Variants in ATP10D observed in about 807,000 individuals in gnomAD.
ATP10D encodes ATPase phospholipid transporting 10D (putative), also known as phospholipid-transporting ATPase VD.
ATP10D carries 89 observed loss-of-function variants against 144.8 expected under a neutral mutation model. The observed-to-expected ratio is 0.61, with a 90% CI of 0.52 to 0.73. The LOEUF is 0.73. ATP10D is among the 30% of genes least tolerant of loss of function. The pLI, the probability that ATP10D is intolerant of heterozygous loss-of-function variation, is 0.00. For synonymous variants in ATP10D, 571 were observed against 615.1 expected, an observed-to-expected ratio of 0.93 and a Z score of 1.06; for missense variants, 1,603 against 1,714.8, an observed-to-expected ratio of 0.93 and a Z score of 1.15.
In ATP10D at chr4:47,495,768, G is replaced by A. The variant is rs377270381; in HGVS notation, c.-38+10249G>A. On this transcript the variant is annotated intron_variant, in intron 1 of 22. Transcript: ENST00000273859. Reference sequence around the variant, plus strand: ...TTTTTTTTTTTTGAAATGCAGTTTCGCTCTTGTTGCTCAGGCTGGAGTGCA... The same window carrying A: ...TTTTTTTTTTTTGAAATGCAGTTTCACTCTTGTTGCTCAGGCTGGAGTGCA... Among the ~76,000 whole-genome samples the A allele has an allele frequency of 8.8e-4, 126 of 142,886 alleles. 1 individual carries two copies. Among genetic ancestry groups the A allele is most frequent in the African/African-American group, 3.0e-3 (116 of 38,388 alleles). 93.7% of individuals were successfully genotyped at this position (142,886 alleles called of 152,430 possible). A position where few individuals can be genotyped will look rare whatever the true frequency, so the allele number is the denominator to read the frequency against.
chr4:47,587,879 A>G (rs10021442), intron 22 of ATP10D, among the ~76,000 whole-genome samples: 23,966 of 152,176 alleles, frequency 0.16, 3,291 homozygotes, highest in African/African-American at 0.37. Context: ...ATCTCATGAC[A>G]GAAGGTGACT....
At chr4:47,576,998 G>A (rs374979093) in intron 19 of ATP10D, 25 bp downstream of exon 19, 20 of 1,601,952 alleles carry the variant, frequency 1.2e-5, no homozygotes, top group South Asian at 8.8e-5. Context: ...AAGAGTGCTT[G>A]GATGGATGCA....
In ATP10D at chr4:47,574,462, CT is replaced by C. The variant is rs1186001614; in HGVS notation, c.3366+1467del. On this transcript the variant is annotated intron_variant, in intron 18 of 22. Transcript: ENST00000273859. ...AGCTTATCTTTCTGAGACCATGGTT[CT>C]TGGATGTTGGACAACCTTTGAGGTG... Among the ~76,000 whole-genome samples the C allele has an allele frequency of 7.9e-5, 12 of 152,296 alleles. No individual in the cohort carries two copies. The East Asian group carries it at 2.3e-3, about 29-fold the overall frequency.
intron 14 of ATP10D, 96 bp downstream of exon 14, chr4:47,561,171 A>G (rs181494747): frequency 3.6e-4 from 531 of 1,478,114 alleles, no homozygotes; most frequent in Middle Eastern, 2.9e-3. Flanking sequence ...TTATCTAATA[A>G]ACATATATGG....
At chr4:47,496,996 C>T (rs1715418394) in intron 1 of ATP10D, among the ~76,000 whole-genome samples, 1 of 152,086 alleles carries the variant, frequency 6.6e-6, no homozygotes, top group African/African-American at 2.4e-5. Flanking sequence ...TGCCCGCTAC[C>T]ACAACTGGCT....
chr4:47,491,179 A>G (rs1715057460), intron 1 of ATP10D: 1 of 746,594 alleles, frequency 1.3e-6, no homozygotes, highest in African/African-American at 1.7e-5. Context: ...AGAGTGCTTA[A>G]TGTGCTCAAT....
In ATP10D at chr4:47,523,163, G is replaced by A. The variant is rs753112385; in HGVS notation, c.637G>A (p.Asp213Asn). The part of the protein sequence containing the change: ...GICHIETSGL[D>N]GESNLKQRQV... ...CTGTCACATTGAGACTTCTGGTCTT[G>A]ATGGAGAGAGCAATTTAAAACAGAG... Residue 213 changes from aspartate (D) to asparagine (N), a missense_variant, in exon 4 of 23, where the codon GAT (aspartate) becomes AAT (asparagine). Coordinates refer to ENST00000273859, the MANE Select transcript of ATP10D (RefSeq NM_020453.4). 2 of 1,614,088 alleles carry A rather than the reference G, an allele frequency of 1.2e-6. No homozygotes were observed. The highest frequency in any genetic ancestry group is 2.2e-5 in the East Asian group (1 of 44,864).
chr4:47,511,479 G>T (rs1716324291), intron 1 of ATP10D, among the ~76,000 whole-genome samples: 1 of 152,140 alleles, frequency 6.6e-6, no homozygotes, highest in South Asian at 2.1e-4. Flanking sequence ...TGAGGCATGA[G>T]AATTGCTTGA....
At chr4:47,524,828 C>T (rs1411343326) in intron 4 of ATP10D, among the ~76,000 whole-genome samples, 1 of 144,444 alleles carries the variant, frequency 6.9e-6, no homozygotes, top group Non-Finnish European at 1.6e-5. Flanking sequence ...ATGGATATTG[C>T]TCATTAGAAA....
In ATP10D at chr4:47,560,998, C is replaced by T; in HGVS notation, c.2591C>T (p.Ala864Val). Residue 864 changes from alanine to valine, a missense_variant, in exon 14 of 23, where the codon GCT becomes GTT. Coordinates refer to ENST00000273859, the MANE Select transcript of ATP10D (RefSeq NM_020453.4). Reference sequence around the variant, plus strand: ...GAGTGGCTGAGGAATCATTTTTTAGCTGAAACCAGCATTGACAACAGGGAA... The same window carrying T: ...GAGTGGCTGAGGAATCATTTTTTAGTTGAAACCAGCATTGACAACAGGGAA... ...YAEWLRNHFL[A>V]ETSIDNREEL... 6.2e-7 allele frequency: 1 copy of T among 1,614,016 alleles called. No homozygotes were observed. The highest frequency in any genetic ancestry group is 8.5e-7 in the Non-Finnish European group (1 of 1,179,886).
intron 9 of ATP10D, among the ~76,000 whole-genome samples, chr4:47,543,040 C>A (rs994798850): frequency 1.3e-5 from 2 of 152,074 alleles, no homozygotes; most frequent in Admixed American, 6.6e-5. Context: ...GTTTTACTTT[C>A]CACAGTTTCA....
At position 47,563,609 on chromosome 4, in the gene ATP10D, G is replaced by A. The variant is rs1423478413; in HGVS notation, c.2697G>A (p.Gln899=). The change falls in exon 15 of 23, where the codon CAG becomes CAA. Residue 899 remains glutamine (Q), a synonymous_variant. Coordinates refer to ENST00000273859, the MANE Select transcript of ATP10D (RefSeq NM_020453.4). ...CTACTGGCATTGAAGACCGTCTGCA[G>A]GAGGGAGTCCCTGAATCTATAGAAG... The part of the protein sequence containing the change: ...LGATGIEDRL[Q]EGVPESIEAL... The A allele has an allele frequency of 1.2e-6, 2 of 1,612,224 alleles. No individual in the cohort carries two copies. The highest frequency in any genetic ancestry group is 2.7e-5 in the African/African-American group (2 of 74,746).
In ATP10D at chr4:47,515,889, G is replaced by A. The variant is rs569160959; in HGVS notation, c.485+219G>A. On this transcript the variant is annotated intron_variant, in intron 3 of 22. Coordinates refer to ENST00000273859, the MANE Select transcript of ATP10D (RefSeq NM_020453.4). ...ATAAGCCATTGTCAACCCAGGAGCC[G>A]ACAAAGCAAAAGCTTCTGTAACTCA... Among the ~76,000 whole-genome samples, 9 of 152,272 alleles carry A rather than the reference G, an allele frequency of 5.9e-5. No individual in the cohort carries two copies. In the East Asian group the frequency reaches 1.4e-3, roughly 23 times the overall value.
At chr4:47,573,084 A>G in intron 18 of ATP10D, 87 bp downstream of exon 18, 1 of 1,472,384 alleles carries the variant, frequency 6.8e-7, no homozygotes. Context: ...GTCCTATGCT[A>G]AGCTCACTTT....
Position 47,515,721 on chromosome 4 carries a change from T to C in ATP10D, c.485+51T>C, listed in dbSNP as rs368560299. 7.9e-6 allele frequency: 11 copies of C among 1,400,452 alleles called. No individual in the cohort carries two copies. The African/African-American group carries it at 1.6e-4, about 20-fold the overall frequency. The allele number at this position is 1,400,452 out of a possible 1,614,324, so 86.8% of individuals were successfully genotyped here. A position where few individuals can be genotyped will look rare whatever the true frequency, so the allele number is the denominator to read the frequency against. On this transcript the variant is annotated intron_variant, in intron 3 of 22. Coordinates refer to ENST00000273859, the MANE Select transcript of ATP10D (RefSeq NM_020453.4). ...GGACTATGTATGTATCATTGAGAAA[T>C]ATGCAGAATGTTACTTTTTTCTCCT...
In ATP10D at chr4:47,485,289, A is replaced by G. The variant is rs2109373041; in HGVS notation, c.-268A>G. The G allele has an allele frequency of 6.6e-6, 1 of 152,138 alleles. No homozygotes were observed. Among genetic ancestry groups the G allele is most frequent in the Admixed American group, 6.5e-5 (1 of 15,270 alleles). The allele number at this position is 152,138 out of a possible 1,614,324, so 9.4% of individuals were successfully genotyped here. ...CGGGCTGCTCTGCAGCCTGGCGGAGACGGGAGGAGGAGCGGAGGGAGAAGT... is the reference window on the plus strand; with the variant it reads ...CGGGCTGCTCTGCAGCCTGGCGGAGGCGGGAGGAGGAGCGGAGGGAGAAGT... On this transcript the variant is annotated 5_prime_UTR_variant, in exon 1 of 23. Coordinates refer to ENST00000273859, the MANE Select transcript of ATP10D (RefSeq NM_020453.4).
At chr4:47,539,626 A>C in intron 9 of ATP10D, among the ~76,000 whole-genome samples, 1 of 152,182 alleles carries the variant, frequency 6.6e-6, no homozygotes, top group East Asian at 1.9e-4. Context: ...ATCATTCATT[A>C]TTCCATAAAA....
At chr4:47,491,420 C>T (rs1715077218) in intron 1 of ATP10D, 2 of 722,210 alleles carry the variant, frequency 2.8e-6, no homozygotes, top group African/African-American at 3.5e-5. Context: ...GCCTAGAGAA[C>T]ATGTATGGGG....
intron 21 of ATP10D, chr4:47,582,887 C>T (rs1390682773): frequency 6.6e-6 from 1 of 152,158 alleles, no homozygotes; most frequent in Non-Finnish European, 1.5e-5. Context: ...CAGTGACTCA[C>T]ACCTGCAATT....
Sources: gnomAD v4.1 joint callset for allele counts (sites outside exome capture counted in the v4.1 genomes callset) on GRCh38, gnomAD v4.1.1 for gene constraint, MANE v1.5 for transcripts, NCBI Gene and HGNC (gene_info 2026-07-23, HGNC 2026-07-21) for gene names.